The following RABGAP1L variants were observed in gnomAD, a reference collection of about 807,000 sequenced individuals.
RABGAP1L encodes the protein rab GTPase-activating protein 1-like.
In RABGAP1L, 63 loss-of-function variants were observed where a neutral mutation model predicts 137.7. That is an observed-to-expected ratio of 0.46 (90% CI 0.37 to 0.56). The LOEUF (loss-of-function observed/expected upper bound fraction) is 0.56, where lower values mean the gene tolerates loss of function less well. Ranked by LOEUF, RABGAP1L falls within the 20% of genes least tolerant of loss-of-function variation. The pLI, the probability that RABGAP1L is intolerant of heterozygous loss-of-function variation, is 0.00. For synonymous variants in RABGAP1L, 431 were observed against 433.7 expected (o/e 0.99, Z 0.08); for missense variants, 1,095 against 1,244.0 (o/e 0.88, Z 1.80).
At chr1:174,278,832 ACTT>A (rs1675238502) in intron 10 of RABGAP1L, 53 bp downstream of exon 10, 2 of 1,315,276 alleles carry the variant, frequency 1.5e-6, no homozygotes, top group Admixed American at 5.5e-5. Flanking sequence ...TTCTTTCCAC[ACTT>A]CTTTTTTAAT....
chr1:174,921,721 C>T (rs1018492067), intron 19 of RABGAP1L, among the ~76,000 whole-genome samples: 1 of 152,202 alleles, frequency 6.6e-6, no homozygotes, highest in Non-Finnish European at 1.5e-5. Context: ...TATCATGTAG[C>T]ATTTACCTTC....
Position 174,177,032 on chromosome 1 carries a change from C to T in RABGAP1L, c.-34+17375C>T, listed in dbSNP as rs191292244. Among the ~76,000 whole-genome samples, 156 of 152,272 alleles carry T rather than the reference C, an allele frequency of 1.0e-3. 1 individual carries two copies. The highest frequency in any genetic ancestry group is 6.8e-3 in the Middle Eastern group (2 of 294). ...TCAAGGTTGCAGTGAACTGAGATAA[C>T]ACCACTGGACTCCAGCCTGGGCGAC... is the stretch of plus-strand genomic sequence containing the variant. On this transcript the variant is annotated intron_variant, in intron 1 of 25. Coordinates refer to ENST00000681986, the MANE Select transcript of RABGAP1L (RefSeq NM_001366446.1).
chr1:174,706,412 T>G (rs918177074), intron 17 of RABGAP1L, among the ~76,000 whole-genome samples: 3 of 152,138 alleles, frequency 2.0e-5, no homozygotes, highest in African/African-American at 7.2e-5. Flanking sequence ...TGTCTTTTAG[T>G]CAGTAACTGA....
Position 174,221,044 on chromosome 1 carries a change from A to G in RABGAP1L, c.211A>G (p.Ser71Gly), listed in dbSNP as rs1558042976. 1 of 1,613,962 alleles carries G rather than the reference A, an allele frequency of 6.2e-7. No homozygotes were observed. The highest frequency in any genetic ancestry group is 1.1e-5 in the South Asian group (1 of 91,076). ...TTTGAGAGATTCCGAGAAAAGGCCA[A>G]GCAGTCTTCTTGTTGATTGTCAAAG... ...EILRDSEKRP[S>G]SLLVDCQSSS... The change falls in exon 3 of 26, where the codon AGC becomes GGC. Residue 71 changes from serine (S) to glycine (G), a missense_variant. Coordinates refer to ENST00000681986, the MANE Select transcript of RABGAP1L (RefSeq NM_001366446.1).
intron 17 of RABGAP1L, among the ~76,000 whole-genome samples, chr1:174,729,988 C>T (rs111843745): frequency 2.0e-5 from 3 of 151,922 alleles, no homozygotes; most frequent in East Asian, 1.9e-4. Flanking sequence ...TAAAAGAAAA[C>T]AAATAAAAAG....
chr1:174,327,261 A>G (rs1680511757), intron 11 of RABGAP1L, among the ~76,000 whole-genome samples: 1 of 152,174 alleles, frequency 6.6e-6, no homozygotes, highest in Non-Finnish European at 1.5e-5. Context: ...AATAGCAACT[A>G]CAATAATTTG....
chr1:174,308,799 G>C (rs912088433), intron 11 of RABGAP1L, among the ~76,000 whole-genome samples: 17 of 152,076 alleles, frequency 1.1e-4, no homozygotes, highest in Non-Finnish European at 2.4e-4. Context: ...TTTGAAGTCA[G>C]ATAGTGTAAT....
At chr1:174,936,797 A>C (rs1006006648) in intron 19 of RABGAP1L, among the ~76,000 whole-genome samples, 2 of 152,070 alleles carry the variant, frequency 1.3e-5, no homozygotes, top group Non-Finnish European at 2.9e-5. Context: ...CTTTGATCCC[A>C]TGTTTATATA....
chr1:174,350,598 C>A (rs1232149549), intron 11 of RABGAP1L, among the ~76,000 whole-genome samples: 1 of 101,774 alleles, frequency 9.8e-6, no homozygotes, highest in Non-Finnish European at 2.0e-5. Flanking sequence ...ACGCTCCTCA[C>A]TTTCCAGACT....
intron 19 of RABGAP1L, among the ~76,000 whole-genome samples, chr1:174,821,332 C>T (rs1297860217): frequency 1.3e-5 from 2 of 152,098 alleles, no homozygotes; most frequent in Non-Finnish European, 2.9e-5. Context: ...CTTCCTACCC[C>T]GTGCTAAAGA....
chr1:174,232,516 G>A (rs1670756222), intron 4 of RABGAP1L, among the ~76,000 whole-genome samples: 1 of 151,368 alleles, frequency 6.6e-6, no homozygotes, highest in African/African-American at 2.4e-5. Flanking sequence ...GGGCGCGGTG[G>A]CTCAAGCCTG....
rs547379454 is a variant in RABGAP1L, at chr1:174,790,876, A to C, written c.2212-20956A>C. ...TCTATTACCACCTTTGTTTCACAAC[A>C]TGGACTTGTCCATTTCAAGAAAAAA... is the stretch of plus-strand genomic sequence containing the variant. On this transcript the variant is annotated intron_variant, in intron 18 of 25. Transcript: ENST00000681986. Among the ~76,000 whole-genome samples, 28 of 151,860 alleles carry C rather than the reference A, an allele frequency of 1.8e-4. No individual in the cohort carries two copies. The South Asian group carries it at 5.4e-3, about 29-fold the overall frequency.
chr1:174,366,004 T>G (rs1208203924), intron 11 of RABGAP1L, among the ~76,000 whole-genome samples: 1 of 150,738 alleles, frequency 6.6e-6, no homozygotes, highest in East Asian at 2.0e-4. Flanking sequence ...GTAACTCTAT[T>G]ATAAATTTTG....
Position 174,637,448 on chromosome 1 carries a change from C to G in RABGAP1L, c.1784C>G (p.Thr595Ser), listed in dbSNP as rs1432523214. ...CCCGCACATGATTACTTTAAAGATA[C>G]TGGAGGAGATGGTCAAGAATCGCTC... ...TFPAHDYFKD[T>S]GGDGQESLYK... The change falls in exon 14 of 26, where the codon ACT becomes AGT. Residue 595 changes from threonine (T) to serine (S), a missense_variant. By Grantham distance (58) the Thr-to-Ser change is moderately conservative (BLOSUM62 1). Coordinates refer to ENST00000681986, the MANE Select transcript of RABGAP1L (RefSeq NM_001366446.1). 2 of 1,612,022 alleles carry G rather than the reference C, an allele frequency of 1.2e-6. No homozygotes were observed. Among genetic ancestry groups the G allele is most frequent in the African/African-American group, 1.3e-5 (1 of 74,982 alleles).
At chr1:174,845,090 T>A (rs1194374520) in intron 19 of RABGAP1L, among the ~76,000 whole-genome samples, 1 of 150,224 alleles carries the variant, frequency 6.7e-6, no homozygotes, top group African/African-American at 2.4e-5. Flanking sequence ...CCTGAGACTT[T>A]GCTGAAGTTG....
chr1:174,817,600 C>T (rs1690572826), intron 19 of RABGAP1L, among the ~76,000 whole-genome samples: 1 of 152,080 alleles, frequency 6.6e-6, no homozygotes, highest in South Asian at 2.1e-4. Context: ...CCTTGTAAAC[C>T]ACGGTAAGCA....
At chr1:174,310,813 GTATT>G (rs1481695085) in intron 11 of RABGAP1L, among the ~76,000 whole-genome samples, 6 of 151,978 alleles carry the variant, frequency 3.9e-5, no homozygotes, top group Admixed American at 2.0e-4. Context: ...GGAGAATGGA[GTATT>G]TATTCTCTCA....
intron 17 of RABGAP1L, among the ~76,000 whole-genome samples, chr1:174,702,477 A>G (rs1175456538): frequency 6.6e-6 from 1 of 152,218 alleles, no homozygotes; most frequent in Non-Finnish European, 1.5e-5. Flanking sequence ...ACAAAGTAAA[A>G]TGGGTGATTA....
chr1:174,667,206 CT>C (rs1676851971), intron 14 of RABGAP1L, among the ~76,000 whole-genome samples: 1 of 152,052 alleles, frequency 6.6e-6, no homozygotes, highest in South Asian at 2.1e-4. Context: ...TTAAGCCTCC[CT>C]TGATCAGATT....
Sources: gnomAD v4.1 joint callset for allele counts (sites outside exome capture counted in the v4.1 genomes callset) on GRCh38, gnomAD v4.1.1 for gene constraint, MANE v1.5 for transcripts, NCBI Gene and HGNC (gene_info 2026-07-23, HGNC 2026-07-21) for gene names.